Variants in ACAD10 observed in about 807,000 individuals in gnomAD.
ACAD10 encodes the protein ACAD-10.
A neutral mutation model predicts 116.8 loss-of-function variants in ACAD10; 112 were observed. The ratio of observed to expected loss-of-function variants is 0.96; its 90% confidence interval spans 0.82 to 1.12. The LOEUF (loss-of-function observed/expected upper bound fraction) is 1.12. ACAD10 is among the 50% of genes most tolerant of loss of function. ACAD10 has a pLI of 0.00. For synonymous variants in ACAD10, 486 were observed against 510.6 expected (o/e 0.95, Z 0.65); for missense variants, 1,259 against 1,350.2 (o/e 0.93, Z 1.06).
At chr12:111,744,526 A>T in intron 12 of ACAD10, 117 bp from the exon 13 acceptor site, 2 of 1,274,400 alleles carry the variant, frequency 1.6e-6, no homozygotes, top group Non-Finnish European at 1.1e-6. Flanking sequence ...AGTGTTTGGT[A>T]CTTAGCAAGT....
At chr12:111,726,209 G>A (rs1593038386) in intron 8 of ACAD10, among the ~76,000 whole-genome samples, 1 of 151,956 alleles carries the variant, frequency 6.6e-6, no homozygotes, top group African/African-American at 2.4e-5. Flanking sequence ...GGCCAAGATC[G>A]CACCACTGCA....
intron 12 of ACAD10, among the ~76,000 whole-genome samples, chr12:111,743,020 T>G (rs1016609936): frequency 1.3e-5 from 2 of 152,048 alleles, no homozygotes; most frequent in African/African-American, 4.8e-5. Context: ...AATGAAATCA[T>G]TTAAAAAAAG....
At chr12:111,691,594 A>ATTT (rs56715476) in intron 1 of ACAD10, among the ~76,000 whole-genome samples, 2 of 132,206 alleles carry the variant, frequency 1.5e-5, no homozygotes, top group African/African-American at 5.7e-5. Flanking sequence ...AAGGAATGAG[A>ATTT]TTTTTTTTTT....
At chr12:111,722,763 GAA>G (rs1277163979) in intron 8 of ACAD10, among the ~76,000 whole-genome samples, 3 of 152,206 alleles carry the variant, frequency 2.0e-5, no homozygotes, top group Admixed American at 2.0e-4. Flanking sequence ...AGAACAAAAT[GAA>G]AAGTCTCCCA....
Position 111,730,942 on chromosome 12 carries a change from AAATAC to A in ACAD10, c.1394+993_1394+997del, listed in dbSNP as rs1889369729. 3.3e-5 allele frequency among the ~76,000 whole-genome samples: 5 copies of A among 152,196 alleles called. No individual in the cohort carries two copies. The South Asian group carries it at 8.3e-4, about 25-fold the overall frequency. On this transcript the variant is annotated intron_variant, in intron 10 of 20. Coordinates refer to ENST00000313698, the MANE Select transcript of ACAD10 (RefSeq NM_025247.6). ...AACTTTTGTATTTTTGGTAATCCAA[AAATAC>A]AATACATTTTTAGTAATACAAAAAT...
chr12:111,751,468 C>T (rs939534348), intron 18 of ACAD10, among the ~76,000 whole-genome samples: 1 of 152,174 alleles, frequency 6.6e-6, no homozygotes, highest in Non-Finnish European at 1.5e-5. Context: ...CGGTGGCTAA[C>T]GCCTGTAATC....
At chr12:111,724,709 A>G (rs1050993092) in intron 8 of ACAD10, among the ~76,000 whole-genome samples, 1 of 152,092 alleles carries the variant, frequency 6.6e-6, no homozygotes, top group East Asian at 1.9e-4. Flanking sequence ...CAGGAGAATC[A>G]GGCAGGGAGG....
chr12:111,716,933 A>C (rs1370133539), intron 7 of ACAD10, among the ~76,000 whole-genome samples: 1 of 152,198 alleles, frequency 6.6e-6, no homozygotes, highest in Non-Finnish European at 1.5e-5. Flanking sequence ...AATTAAGTAA[A>C]CCTTGGTATA....
chr12:111,703,138 A>G (rs1555256136), intron 3 of ACAD10, among the ~76,000 whole-genome samples: 1 of 151,812 alleles, frequency 6.6e-6, no homozygotes, highest in African/African-American at 2.4e-5. Flanking sequence ...TATTTTTTTA[A>G]TGTTTTCTGG....
In ACAD10 at chr12:111,693,082, CA is replaced by C. The variant is rs2135942583; in HGVS notation, c.187+189del. The C allele has an allele frequency of 3.2e-6, 2 of 617,746 alleles. 1 individual carries two copies. Among genetic ancestry groups the C allele is most frequent in the South Asian group, 4.0e-5 (2 of 49,774 alleles). The allele number at this position is 617,746 out of a possible 1,614,324, so 38.3% of individuals were successfully genotyped here. A position where few individuals can be genotyped will look rare whatever the true frequency, so the allele number is the denominator to read the frequency against. On this transcript the variant is annotated intron_variant, in intron 2 of 20. Coordinates refer to ENST00000313698, the MANE Select transcript of ACAD10 (RefSeq NM_025247.6). ...TCTTGGGCGCATGATTCAGCTTCTC[CA>C]AATCTTACTTTCCTCATCATTAAAT...
chr12:111,757,077 A>G lies in ACAD10; in HGVS notation c.*604A>G, dbSNP rs143161383. 4.1e-4 allele frequency: 145 copies of G among 356,494 alleles called. No individual in the cohort carries two copies. The Middle Eastern group carries it at 0.013, about 33-fold the overall frequency. The allele number at this position is 356,494 out of a possible 1,614,324, so 22.1% of individuals were successfully genotyped here. A position where few individuals can be genotyped will look rare whatever the true frequency, so the allele number is the denominator to read the frequency against. On this transcript the variant is annotated 3_prime_UTR_variant, in exon 21 of 21. Coordinates refer to ENST00000313698, the MANE Select transcript of ACAD10 (RefSeq NM_025247.6). ...AAAGGGGTTTTGGGGACACAGAAGA[A>G]TAAGTAAACACATCTCGGAGGCTTT...
At chr12:111,752,515 G>T (rs1890100142) in intron 18 of ACAD10, among the ~76,000 whole-genome samples, 1 of 151,894 alleles carries the variant, frequency 6.6e-6, no homozygotes, top group Non-Finnish European at 1.5e-5. Flanking sequence ...GGCTGAAGCA[G>T]GAGAATCACT....
chr12:111,697,584 C>CTTTT (rs762619644), intron 2 of ACAD10, among the ~76,000 whole-genome samples: 2 of 120,552 alleles, frequency 1.7e-5, no homozygotes, highest in East Asian at 2.5e-4. Context: ...TGGTCTCTCT[C>CTTTT]TTTTTTTTTT....
At chr12:111,746,903 C>A in intron 14 of ACAD10, 146 bp from the exon 15 acceptor site, 1 of 1,057,616 alleles carries the variant, frequency 9.5e-7, no homozygotes, top group Non-Finnish European at 1.3e-6. Context: ...GAAGCTGAGG[C>A]ATGGGAGGAT....
chr12:111,733,703 C>G (rs1889467190), intron 10 of ACAD10: 2 of 579,428 alleles, frequency 3.5e-6, no homozygotes, highest in Non-Finnish European at 6.1e-6. Context: ...AAATAAATAA[C>G]CAGGCCCTTT....
At chr12:111,738,457 A>AG (rs1386565049) in intron 12 of ACAD10, among the ~76,000 whole-genome samples, 1 of 151,708 alleles carries the variant, frequency 6.6e-6, no homozygotes, top group East Asian at 1.9e-4. Flanking sequence ...AAAAAAAAAA[A>AG]AAAAAAAAGA....
intron 19 of ACAD10, among the ~76,000 whole-genome samples, chr12:111,754,199 C>T (rs1890146289): frequency 6.6e-6 from 1 of 152,154 alleles, no homozygotes; most frequent in Non-Finnish European, 1.5e-5. Flanking sequence ...TGTTGGGCAA[C>T]CTAAGAGTAA....
At chr12:111,745,180 CAGAA>C (rs1889857563) in intron 13 of ACAD10, 137 bp downstream of exon 13, 3 of 961,720 alleles carry the variant, frequency 3.1e-6, no homozygotes, top group Middle Eastern at 3.3e-4. Context: ...TCCATCGTCT[CAGAA>C]AGAGCCAGCT....
intron 8 of ACAD10, 100 bp downstream of exon 8, chr12:111,721,839 G>C: frequency 9.9e-7 from 1 of 1,012,480 alleles, no homozygotes; most frequent in Non-Finnish European, 1.4e-6. Context: ...AATAAAATTT[G>C]GGTAGGAGGG....
Sources: allele counts gnomAD v4.1 joint callset (sites outside exome capture counted in the v4.1 genomes callset), GRCh38; gene constraint gnomAD v4.1.1; transcripts MANE v1.5; gene names NCBI Gene and HGNC (gene_info 2026-07-23, HGNC 2026-07-21).